CRPPA: variants seen among roughly 807,000 people sequenced by gnomAD.
The protein encoded by CRPPA is D-ribitol-5-phosphate cytidylyltransferase.
CRPPA carries 43 observed loss-of-function variants against 52.0 expected under a neutral mutation model. That is an observed-to-expected ratio of 0.83 (90% confidence interval 0.65 to 1.07). CRPPA has a LOEUF of 1.07. CRPPA is among the 50% of genes least tolerant of loss of function. The pLI is 0.00. For synonymous variants in CRPPA, 250 were observed against 203.5 expected, an observed-to-expected ratio of 1.23 and a Z score of -1.94; for missense variants, 629 against 551.7, an observed-to-expected ratio of 1.14 and a Z score of -1.40.
At chr7:16,317,578 T>C (rs1438006535) in intron 3 of CRPPA, among the ~76,000 whole-genome samples, 3 of 152,138 alleles carry the variant, frequency 2.0e-5, no homozygotes, top group Non-Finnish European at 4.4e-5. Flanking sequence ...TTGTTAAAAA[T>C]AGTGGGATTT....
intron 3 of CRPPA, among the ~76,000 whole-genome samples, chr7:16,314,580 T>C (rs893917740): frequency 2.0e-5 from 3 of 152,052 alleles, no homozygotes; most frequent in African/African-American, 4.8e-5. Flanking sequence ...ATTTTGAACA[T>C]TTTTTTACAA....
intron 3 of CRPPA, among the ~76,000 whole-genome samples, chr7:16,365,327 G>A (rs963348247): frequency 6.6e-6 from 1 of 152,188 alleles, no homozygotes; most frequent in Non-Finnish European, 1.5e-5. Flanking sequence ...AAGCCTGTCT[G>A]GATATGTCCC....
intron 8 of CRPPA, among the ~76,000 whole-genome samples, chr7:16,254,829 GAAAGAA>G (rs1783584549): frequency 6.8e-6 from 1 of 147,434 alleles, no homozygotes; most frequent in Admixed American, 6.8e-5. Context: ...AAGAAAGAAA[GAAAGAA>G]AGAAAGAAAG....
At chr7:16,369,026 T>C (rs1348929877) in intron 3 of CRPPA, among the ~76,000 whole-genome samples, 2 of 152,132 alleles carry the variant, frequency 1.3e-5, no homozygotes, top group Non-Finnish European at 1.5e-5. Context: ...ACCTAATCCA[T>C]GCCATAAACT....
chr7:16,183,669 C>T (rs1018603663), intron 9 of CRPPA, among the ~76,000 whole-genome samples: 15 of 152,076 alleles, frequency 9.9e-5, no homozygotes, highest in African/African-American at 9.7e-5. Flanking sequence ...GTCTATTCTA[C>T]CATCCTCAGT....
At chr7:16,166,115 G>C (rs1781059056) in intron 9 of CRPPA, among the ~76,000 whole-genome samples, 1 of 152,190 alleles carries the variant, frequency 6.6e-6, no homozygotes, top group African/African-American at 2.4e-5. Context: ...ACCTGTGAGG[G>C]TTTTTTTCCA....
intron 3 of CRPPA, among the ~76,000 whole-genome samples, chr7:16,356,112 G>GAA (rs200803448): frequency 8.0e-5 from 12 of 149,384 alleles, no homozygotes; most frequent in African/African-American, 2.9e-4. Flanking sequence ...CCAAAATCAT[G>GAA]AAAAAAAAAT....
chr7:16,280,340 A>G (rs1421010086), intron 5 of CRPPA, among the ~76,000 whole-genome samples: 5 of 152,242 alleles, frequency 3.3e-5, no homozygotes, highest in Non-Finnish European at 7.3e-5. Flanking sequence ...TTGAAAACAG[A>G]GTTAACCCAA....
At chr7:16,199,848 C>CTTTTTTTTTT (rs1781810963) in intron 9 of CRPPA, among the ~76,000 whole-genome samples, 1 of 143,200 alleles carries the variant, frequency 7.0e-6, no homozygotes, top group African/African-American at 2.6e-5. Context: ...GATCTGTAAG[C>CTTTTTTTTTT]TTTTTCTTTT....
intron 2 of CRPPA, among the ~76,000 whole-genome samples, chr7:16,387,879 T>C (rs997301481): frequency 1.3e-5 from 2 of 152,202 alleles, no homozygotes; most frequent in Non-Finnish European, 2.9e-5. Context: ...GAACAGACCA[T>C]ATGCTGGACC....
intron 9 of CRPPA, among the ~76,000 whole-genome samples, chr7:16,155,965 A>G (rs1448064823): frequency 6.6e-6 from 1 of 152,130 alleles, no homozygotes; most frequent in Non-Finnish European, 1.5e-5. Context: ...TATAAGGGGA[A>G]GTCAACGGGA....
At chr7:16,304,917 G>C (rs952336068) in intron 4 of CRPPA, among the ~76,000 whole-genome samples, 1 of 152,098 alleles carries the variant, frequency 6.6e-6, no homozygotes, top group African/African-American at 2.4e-5. Flanking sequence ...TCAGATTTTT[G>C]AATCATGTTT....
At chr7:16,378,671 C>T (rs909300022) in intron 2 of CRPPA, among the ~76,000 whole-genome samples, 91 of 150,886 alleles carry the variant, frequency 6.0e-4, no homozygotes, top group African/African-American at 2.2e-3. Context: ...TTCTAGATCC[C>T]TGAGGAATCG....
chr7:16,336,809 A>G (rs1035551311), intron 3 of CRPPA, among the ~76,000 whole-genome samples: 1 of 152,140 alleles, frequency 6.6e-6, no homozygotes, highest in Non-Finnish European at 1.5e-5. Context: ...TTCCACATGA[A>G]TAAAAAACAA....
At chr7:16,340,365 A>G (rs957786427) in intron 3 of CRPPA, among the ~76,000 whole-genome samples, 1 of 152,090 alleles carries the variant, frequency 6.6e-6, no homozygotes, top group Non-Finnish European at 1.5e-5. Flanking sequence ...GACTTATCAC[A>G]AACATGCAAA....
At position 16,146,601 on chromosome 7, in the gene CRPPA, A is replaced by G. The variant is rs1782978884; in HGVS notation, c.1252-54802T>C. On this transcript the variant is annotated intron_variant, in intron 9 of 9. Coordinates refer to ENST00000407010, the MANE Select transcript of CRPPA (RefSeq NM_001101426.4). ...TTAATGGATACAATATATAAAAGATATAAACTGTAACATCAATAACCTAAA... is the reference window on the plus strand; with the variant it reads ...TTAATGGATACAATATATAAAAGATGTAAACTGTAACATCAATAACCTAAA... 3.3e-5 allele frequency among the ~76,000 whole-genome samples: 5 copies of G among 152,322 alleles called. No individual in the cohort carries two copies. In the South Asian group the frequency reaches 1.0e-3, roughly 32 times the overall value.
chr7:16,337,100 C>T (rs1165543667), intron 3 of CRPPA, among the ~76,000 whole-genome samples: 1 of 152,046 alleles, frequency 6.6e-6, no homozygotes, highest in East Asian at 1.9e-4. Flanking sequence ...AAACACTGGA[C>T]TTTAATTATA....
intron 5 of CRPPA, among the ~76,000 whole-genome samples, chr7:16,296,487 C>T (rs1455601505): frequency 6.6e-6 from 1 of 151,872 alleles, no homozygotes; most frequent in Non-Finnish European, 1.5e-5. Flanking sequence ...TTTCTAGCAC[C>T]TGAAAACAAA....
intron 9 of CRPPA, among the ~76,000 whole-genome samples, chr7:16,204,473 G>A (rs1051343799): frequency 5.9e-5 from 9 of 152,190 alleles, no homozygotes; most frequent in African/African-American, 2.2e-4. Flanking sequence ...CTTGGAAGCA[G>A]GGAAGTGGGG....
Sources: allele counts gnomAD v4.1 joint callset (sites outside exome capture counted in the v4.1 genomes callset), GRCh38; gene constraint gnomAD v4.1.1; transcripts MANE v1.5; gene names NCBI Gene and HGNC (gene_info 2026-07-23, HGNC 2026-07-21).